The following FOXJ3 variants were observed in gnomAD, a reference collection of about 807,000 sequenced individuals.
The protein encoded by FOXJ3 is forkhead box J3.
A neutral mutation model predicts 76.1 loss-of-function variants in FOXJ3; 22 were observed. The ratio of observed to expected loss-of-function variants is 0.29; its 90% CI spans 0.21 to 0.41. FOXJ3 has a LOEUF of 0.41. Among genes scored for constraint, FOXJ3 ranks in the 10% least tolerant of loss-of-function variants. The pLI, the probability that FOXJ3 is intolerant of heterozygous loss-of-function variation, is 1.00. For missense variants in FOXJ3, 613 were observed against 762.1 expected, an observed-to-expected ratio of 0.80 and a Z score of 2.30; for synonymous variants, 269 against 261.2, an observed-to-expected ratio of 1.03 and a Z score of -0.29.
chr1:42,270,824 G>C (rs1019560819), intron 3 of FOXJ3, among the ~76,000 whole-genome samples: 2 of 152,124 alleles, frequency 1.3e-5, no homozygotes, highest in African/African-American at 4.8e-5. Context: ...GTAGTGACCT[G>C]ACAATTCTAA....
Position 42,278,508 on chromosome 1 carries a change from T to G in FOXJ3, c.209A>C (p.Glu70Ala), listed in dbSNP as rs747139247. The change falls in exon 3 of 13, where the codon GAA becomes GCA. Residue 70 changes from glutamate (E) to alanine (A), a missense_variant. Glu to Ala is a moderately radical substitution (Grantham distance 107, BLOSUM62 -1). Coordinates refer to ENST00000361346, the MANE Select transcript of FOXJ3 (RefSeq NM_014947.5). ...LDPNTTLDQE[E>A]VQQHKDGKPP... ...TTTCCCATCTTTGTGCTGTTGGACT[T>G]CTTCCTGGTCCAGAGTTGTATTTGG... 1.2e-6 allele frequency: 2 copies of G among 1,614,208 alleles called. No homozygotes were observed. The highest frequency in any genetic ancestry group is 2.2e-5 in the South Asian group (2 of 91,076).
At chr1:42,328,876 A>T (rs1482480637) in intron 1 of FOXJ3, among the ~76,000 whole-genome samples, 1 of 151,988 alleles carries the variant, frequency 6.6e-6, no homozygotes, top group Non-Finnish European at 1.5e-5. Context: ...TATGTGGACC[A>T]GGCTGGTCTC....
intron 2 of FOXJ3, among the ~76,000 whole-genome samples, chr1:42,291,083 T>TAGATAGATAGATAGATAGACAGACAGAC (rs1553167260): frequency 7.9e-6 from 1 of 126,388 alleles, no homozygotes; most frequent in African/African-American, 2.9e-5. Flanking sequence ...GATAGATAGA[T>TAGATAGATAGATAGATAGACAGACAGAC]AGACAGACAG....
At chr1:42,248,172 C>A (rs1649693921) in intron 4 of FOXJ3, among the ~76,000 whole-genome samples, 1 of 152,036 alleles carries the variant, frequency 6.6e-6, no homozygotes. Flanking sequence ...ATGAAAATGT[C>A]CTGAAATTTG....
intron 1 of FOXJ3, among the ~76,000 whole-genome samples, chr1:42,315,630 T>C (rs1230098246): frequency 6.6e-6 from 1 of 152,204 alleles, no homozygotes; most frequent in African/African-American, 2.4e-5. Context: ...CCTTGTTGAC[T>C]GAAAGAACAA....
At chr1:42,256,424 G>T (rs1437812371) in intron 4 of FOXJ3, among the ~76,000 whole-genome samples, 1 of 152,116 alleles carries the variant, frequency 6.6e-6, no homozygotes, top group African/African-American at 2.4e-5. Context: ...AATTTTAAAA[G>T]AACTTTCAGA....
chr1:42,249,592 G>C (rs1411151138), intron 4 of FOXJ3, among the ~76,000 whole-genome samples: 1 of 152,204 alleles, frequency 6.6e-6, no homozygotes, highest in African/African-American at 2.4e-5. Flanking sequence ...CGTACAATTT[G>C]AAAAGTTTCT....
chr1:42,201,551 C>CTA (rs771721022), intron 6 of FOXJ3, among the ~76,000 whole-genome samples: 162 of 152,274 alleles, frequency 1.1e-3, no homozygotes, highest in Non-Finnish European at 7.1e-4. Context: ...TAGTGCTAGA[C>CTA]CTAGCTTGCG....
At chr1:42,249,049 G>A (rs1054816415) in intron 4 of FOXJ3, among the ~76,000 whole-genome samples, 6 of 151,978 alleles carry the variant, frequency 3.9e-5, no homozygotes, top group East Asian at 1.9e-4. Context: ...GGTGGCTTCC[G>A]GCTTCATCCA....
chr1:42,308,645 T>A (rs1654612947), intron 2 of FOXJ3, among the ~76,000 whole-genome samples: 1 of 152,192 alleles, frequency 6.6e-6, no homozygotes, highest in Admixed American at 6.5e-5. Context: ...ATATCATGAC[T>A]CAGATGTCAC....
chr1:42,302,599 T>C (rs1490526688), intron 2 of FOXJ3, among the ~76,000 whole-genome samples: 2 of 152,220 alleles, frequency 1.3e-5, no homozygotes, highest in African/African-American at 4.8e-5. Flanking sequence ...CCAAGTTCTC[T>C]GTATGGCAAG....
At chr1:42,199,007 T>A in intron 7 of FOXJ3, 95 bp downstream of exon 7, 1 of 984,170 alleles carries the variant, frequency 1.0e-6, no homozygotes, top group East Asian at 2.5e-5. Context: ...GAGAAAAACA[T>A]ACCTTCATTT....
At chr1:42,292,813 T>C (rs1202352444) in intron 2 of FOXJ3, among the ~76,000 whole-genome samples, 1 of 152,128 alleles carries the variant, frequency 6.6e-6, no homozygotes, top group Non-Finnish European at 1.5e-5. Flanking sequence ...AAAACAAATA[T>C]TTGTGGGCTC....
chr1:42,257,682 G>T (rs1265906757), intron 4 of FOXJ3, among the ~76,000 whole-genome samples: 1 of 145,526 alleles, frequency 6.9e-6, no homozygotes, highest in Non-Finnish European at 1.5e-5. Flanking sequence ...GAGGTGCAGT[G>T]AAACAAGATC....
At chr1:42,207,191 C>T (rs1477218915) in intron 5 of FOXJ3, among the ~76,000 whole-genome samples, 1 of 152,144 alleles carries the variant, frequency 6.6e-6, no homozygotes, top group African/African-American at 2.4e-5. Flanking sequence ...TATCCCTTCC[C>T]CCTACCCTTC....
chr1:42,206,412 C>G (rs1646862943), intron 5 of FOXJ3, among the ~76,000 whole-genome samples: 1 of 152,080 alleles, frequency 6.6e-6, no homozygotes, highest in Non-Finnish European at 1.5e-5. Flanking sequence ...CTTGCTTAAC[C>G]ATAAATAGCT....
At chr1:42,228,313 C>T (rs1354262202) in intron 4 of FOXJ3, among the ~76,000 whole-genome samples, 2 of 152,014 alleles carry the variant, frequency 1.3e-5, no homozygotes, top group Non-Finnish European at 2.9e-5. Context: ...TATAAAGATA[C>T]TGTAGTTTCT....
Position 42,327,163 on chromosome 1 carries a change from A to G in FOXJ3, c.-18+7896T>C, listed in dbSNP as rs541116863. 7.9e-5 allele frequency among the ~76,000 whole-genome samples: 12 copies of G among 152,286 alleles called. No homozygotes were observed. The South Asian group carries it at 2.3e-3, about 29-fold the overall frequency. Reference sequence around the variant, plus strand: ...ATCCCCTACAATAATATAAAACACGACTTCCTCTGATACACAAAGGTGCCA... The same window carrying G: ...ATCCCCTACAATAATATAAAACACGGCTTCCTCTGATACACAAAGGTGCCA... On this transcript the variant is annotated intron_variant, in intron 1 of 12. Transcript: ENST00000361346.
chr1:42,244,419 G>A (rs1649379002), intron 4 of FOXJ3, among the ~76,000 whole-genome samples: 1 of 152,146 alleles, frequency 6.6e-6, no homozygotes, highest in African/African-American at 2.4e-5. Context: ...AAGAGACTGA[G>A]GTGACAGGTA....
Sources: gnomAD v4.1 joint callset for allele counts (sites outside exome capture counted in the v4.1 genomes callset) on GRCh38, gnomAD v4.1.1 for gene constraint, MANE v1.5 for transcripts, NCBI Gene and HGNC (gene_info 2026-07-23, HGNC 2026-07-21) for gene names.